LCORL: variants seen among roughly 807,000 people sequenced by gnomAD.
LCORL encodes the protein ligand dependent nuclear receptor corepressor like.
Under a neutral mutation model 141.8 loss-of-function variants are expected in LCORL, and 41 were observed. The ratio of observed to expected loss-of-function variants is 0.29; its 90% CI spans 0.23 to 0.38. The LOEUF is 0.38. LCORL is among the 10% of genes least tolerant of loss of function. The pLI is 1.00. For synonymous variants in LCORL, 618 were observed against 694.1 expected, an observed-to-expected ratio of 0.89 and a Z score of 1.72; for missense variants, 1,759 against 2,035.0, an observed-to-expected ratio of 0.86 and a Z score of 2.61.
At chr4:17,961,294 T>C (rs1330562452) in intron 4 of LCORL, among the ~76,000 whole-genome samples, 1 of 151,948 alleles carries the variant, frequency 6.6e-6, no homozygotes, top group Non-Finnish European at 1.5e-5. Context: ...CCCAAGTAAC[T>C]AAAATATAAA....
chr4:17,874,564 C>T (rs1726715541), exon 7 of LCORL: 6 of 1,233,592 alleles, frequency 4.9e-6, no homozygotes, highest in Admixed American at 4.2e-5. Context: ...GGGCTTGCTA[C>T]TTTGAAATGA....
intron 6 of LCORL, chr4:17,882,158 A>G (rs771022716): frequency 5.1e-6 from 5 of 983,732 alleles, no homozygotes; most frequent in Non-Finnish European, 6.0e-6. Flanking sequence ...CTTTAGTATT[A>G]CACGTATATA....
At chr4:17,912,590 C>T in intron 4 of LCORL, 1 of 417,154 alleles carries the variant, frequency 2.4e-6, no homozygotes, top group Non-Finnish European at 4.6e-6. Flanking sequence ...GCTCGTGCAG[C>T]TGAGACTTAC....
At chr4:17,960,119 T>A (rs942762644) in intron 4 of LCORL, 31 of 153,618 alleles carry the variant, frequency 2.0e-4, no homozygotes, top group African/African-American at 7.0e-4. Flanking sequence ...TGGAAAGTGA[T>A]GAACTACAAA....
intron 7 of LCORL, among the ~76,000 whole-genome samples, chr4:17,870,768 T>C (rs1726250948): frequency 6.6e-6 from 1 of 152,192 alleles, no homozygotes; most frequent in South Asian, 2.1e-4. Flanking sequence ...GAGCATATTG[T>C]AGACATTCAT....
At chr4:17,998,880 C>T (rs1721339315) in intron 1 of LCORL, among the ~76,000 whole-genome samples, 1 of 147,304 alleles carries the variant, frequency 6.8e-6, no homozygotes, top group Admixed American at 6.8e-5. Context: ...TGGGAGATCA[C>T]CTGAGACTGA....
intron 7 of LCORL, among the ~76,000 whole-genome samples, chr4:17,854,470 TAG>T (rs1724127940): frequency 6.6e-6 from 1 of 152,208 alleles, no homozygotes; most frequent in Non-Finnish European, 1.5e-5. Context: ...TGAACCATAT[TAG>T]GTTATTCCTG....
At chr4:17,955,101 C>A (rs771009050) in intron 4 of LCORL, among the ~76,000 whole-genome samples, 23 of 152,116 alleles carry the variant, frequency 1.5e-4, no homozygotes, top group Non-Finnish European at 3.2e-4. Context: ...AGGACTAACT[C>A]TTACGGCTCT....
At chr4:18,011,442 AAAAC>A (rs938634377) in intron 1 of LCORL, among the ~76,000 whole-genome samples, 1 of 152,140 alleles carries the variant, frequency 6.6e-6, no homozygotes, top group African/African-American at 2.4e-5. Flanking sequence ...AAAAAAAAAA[AAAAC>A]AACTTCAAAG....
intron 1 of LCORL, among the ~76,000 whole-genome samples, chr4:18,010,412 G>GTGTGTGTA (rs1436457387): frequency 2.0e-5 from 3 of 151,480 alleles, no homozygotes; most frequent in Non-Finnish European, 4.4e-5. Flanking sequence ...GTGTGTGTGT[G>GTGTGTGTA]TATATATATA....
At chr4:17,896,354 G>C (rs985081330) in intron 5 of LCORL, among the ~76,000 whole-genome samples, 1 of 152,052 alleles carries the variant, frequency 6.6e-6, no homozygotes, top group African/African-American at 2.4e-5. Context: ...CACAATCTCA[G>C]CTCACTGCAA....
Position 18,021,575 on chromosome 4 carries a change from GC to G in LCORL, c.154+22del, listed in dbSNP as rs1725591861. On this transcript the variant is annotated intron_variant, in intron 1 of 7. Transcript: ENST00000635767. The surrounding 1 kb of genome is among the most constrained non-coding windows in gnomAD (Gnocchi z 5.5). ...CAGCGGTCGCCGCGCGGAGCCCGGG[GC>G]CCCGGCCCGCGTCTCTCTTACCTAC... 3 of 1,511,190 alleles carry G rather than the reference GC, an allele frequency of 2.0e-6. No individual in the cohort carries two copies. The highest frequency in any genetic ancestry group is 2.2e-5 in the Admixed American group (1 of 45,186). 93.6% of individuals were successfully genotyped at this position (1,511,190 alleles called of 1,614,324 possible). A position where few individuals can be genotyped will look rare whatever the true frequency, so the allele number is the denominator to read the frequency against.
At chr4:17,931,622 A>G (rs1310128102) in intron 4 of LCORL, among the ~76,000 whole-genome samples, 5 of 152,082 alleles carry the variant, frequency 3.3e-5, no homozygotes, top group African/African-American at 1.2e-4. Flanking sequence ...AGACTTTTAA[A>G]ATGTTTTGTT....
At chr4:17,941,090 A>T (rs1737868108) in intron 4 of LCORL, among the ~76,000 whole-genome samples, 1 of 152,138 alleles carries the variant, frequency 6.6e-6, no homozygotes. Context: ...ATGCATCCCC[A>T]TCAGGGCCGG....
Position 18,021,524 on chromosome 4 carries a change from T to G in LCORL, c.154+74A>C, listed in dbSNP as rs1725583164. On this transcript the variant is annotated intron_variant, in intron 1 of 7. Transcript: ENST00000635767. The surrounding 1 kb of genome is among the most constrained non-coding windows in gnomAD (Gnocchi z 5.5). ...CGAACGGGAGATTCAACTAAACCCCTCAGCCACAAACTCCTCGGGCTGCGA... is the reference window on the plus strand; with the variant it reads ...CGAACGGGAGATTCAACTAAACCCCGCAGCCACAAACTCCTCGGGCTGCGA... The G allele has an allele frequency of 1.5e-6, 2 of 1,338,780 alleles. No homozygotes were observed. Among genetic ancestry groups the G allele is most frequent in the Non-Finnish European group, 2.0e-6 (2 of 997,392 alleles). 82.9% of individuals were successfully genotyped at this position (1,338,780 alleles called of 1,614,324 possible).
At chr4:17,996,439 G>A (rs1720932725) in intron 1 of LCORL, among the ~76,000 whole-genome samples, 1 of 151,978 alleles carries the variant, frequency 6.6e-6, no homozygotes, top group Non-Finnish European at 1.5e-5. Context: ...AAGATACCTA[G>A]TAAATAAAGT....
At chr4:17,985,859 C>T (rs1037767013) in intron 1 of LCORL, among the ~76,000 whole-genome samples, 7 of 152,178 alleles carry the variant, frequency 4.6e-5, no homozygotes, top group Non-Finnish European at 8.8e-5. Flanking sequence ...TACAGTGTCA[C>T]TTGTCTGTGT....
At chr4:17,887,183 C>G (rs1243766828) in intron 5 of LCORL, among the ~76,000 whole-genome samples, 1 of 151,794 alleles carries the variant, frequency 6.6e-6, no homozygotes, top group Non-Finnish European at 1.5e-5. Context: ...ATTTATTGAG[C>G]GCTCACTATA....
intron 5 of LCORL, among the ~76,000 whole-genome samples, chr4:17,886,742 C>G (rs950491922): frequency 6.6e-6 from 1 of 151,938 alleles, no homozygotes; most frequent in African/African-American, 2.4e-5. Context: ...GTGCTTATAT[C>G]TACGACTAAA....
Sources: allele counts gnomAD v4.1 joint callset (sites outside exome capture counted in the v4.1 genomes callset), GRCh38; gene constraint gnomAD v4.1.1; non-coding constraint Gnocchi (gnomAD v3.1); transcripts MANE v1.5; gene names NCBI Gene and HGNC (gene_info 2026-07-23, HGNC 2026-07-21).